Variants in CLNK observed in about 807,000 individuals in gnomAD.
CLNK encodes the protein cytokine dependent hematopoietic cell linker.
CLNK carries 74 observed loss-of-function variants against 68.6 expected under a neutral mutation model. That is an observed-to-expected ratio of 1.08 (90% confidence interval 0.89 to 1.31). The LOEUF (loss-of-function observed/expected upper bound fraction) is 1.31, where lower values mean the gene tolerates loss of function less well. Among genes scored for constraint, CLNK ranks in the 50% most tolerant of loss-of-function variants. The pLI, the probability that CLNK is intolerant of heterozygous loss-of-function variation, is 0.00. For synonymous variants in CLNK, 198 were observed against 172.2 expected (o/e 1.15, Z -1.17); for missense variants, 553 against 515.3 (o/e 1.07, Z -0.71).
intron 14 of CLNK, among the ~76,000 whole-genome samples, chr4:10,521,446 G>C (rs911402556): frequency 6.6e-6 from 1 of 152,154 alleles, no homozygotes; most frequent in African/African-American, 2.4e-5. Flanking sequence ...CTAATTTTCT[G>C]GTTCATTTTG....
chr4:10,711,282 G>C, the CLNK span, among the ~76,000 whole-genome samples: 2 of 152,268 alleles, frequency 1.3e-5, no homozygotes, highest in Admixed American at 1.3e-4. Context: ...GGAGTACAGG[G>C]CCTGGTGTCC....
At chr4:10,636,983 G>A (rs1723116948) in intron 2 of CLNK, among the ~76,000 whole-genome samples, 1 of 152,180 alleles carries the variant, frequency 6.6e-6, no homozygotes, top group African/African-American at 2.4e-5. Flanking sequence ...AGAAACCCCA[G>A]GGGCTGGGCA....
At chr4:10,699,243 T>TATGTGTGTGTGTACACACAC in the CLNK span, among the ~76,000 whole-genome samples, 22 of 54,804 alleles carry the variant, frequency 4.0e-4, no homozygotes, top group African/African-American at 1.5e-3. Flanking sequence ...TACACACACA[T>TATGTGTGTGTGTACACACAC]ACACACCACG....
the CLNK span, among the ~76,000 whole-genome samples, chr4:10,696,108 G>A: frequency 2.2e-4 from 34 of 152,054 alleles, no homozygotes; most frequent in Admixed American, 1.7e-3. Flanking sequence ...CACCCACCTC[G>A]GCCTCCCAAA....
chr4:10,665,959 G>T (rs1274348034), intron 2 of CLNK, among the ~76,000 whole-genome samples: 1 of 152,156 alleles, frequency 6.6e-6, no homozygotes, highest in Non-Finnish European at 1.5e-5. Flanking sequence ...GACTATCCAG[G>T]TGACCCCTAA....
chr4:10,664,369 G>T (rs575833605), intron 2 of CLNK, among the ~76,000 whole-genome samples: 1 of 152,260 alleles, frequency 6.6e-6, no homozygotes, highest in South Asian at 2.1e-4. Flanking sequence ...AATTGACTGG[G>T]TTAATAATTT....
At chr4:10,577,214 C>T (rs73228224) in intron 4 of CLNK, among the ~76,000 whole-genome samples, 33,901 of 152,136 alleles carry the variant, frequency 0.22, 4,041 homozygotes, top group African/African-American at 0.29. Flanking sequence ...AACCAGCTTC[C>T]GGTTTCATTT....
At chr4:10,568,763 G>C (rs1174436710) in intron 5 of CLNK, among the ~76,000 whole-genome samples, 4 of 152,176 alleles carry the variant, frequency 2.6e-5, no homozygotes, top group African/African-American at 4.8e-5. Context: ...GGAGAATGCA[G>C]CCCTGCCAGC....
chr4:10,572,378 C>T (rs1019573117), intron 4 of CLNK, among the ~76,000 whole-genome samples: 2 of 152,204 alleles, frequency 1.3e-5, no homozygotes, highest in African/African-American at 4.8e-5. Flanking sequence ...ACTCAACACT[C>T]TTATTTGGGC....
chr4:10,526,050 G>A, intron 13 of CLNK, 128 bp from the exon 14 acceptor site: 2 of 609,604 alleles, frequency 3.3e-6, no homozygotes, highest in Non-Finnish European at 5.8e-6. Context: ...GGCTCTTGAT[G>A]GTCGGTGGAA....
At chr4:10,655,334 C>CAGACAGAGAGAGAGAGAGAG in intron 2 of CLNK, among the ~76,000 whole-genome samples, 1 of 135,410 alleles carries the variant, frequency 7.4e-6, no homozygotes, top group Middle Eastern at 3.8e-3. Flanking sequence ...CCCCCAAAGA[C>CAGACAGAGAGAGAGAGAGAG]AGAGAGAGAG....
At chr4:10,678,826 A>G (rs111477042) in intron 1 of CLNK, among the ~76,000 whole-genome samples, 17 of 152,324 alleles carry the variant, frequency 1.1e-4, no homozygotes, top group Admixed American at 3.3e-4. Context: ...GGACCTCTTC[A>G]AGGAGAACTA....
chr4:10,496,706 C>G (rs1347645445), intron 18 of CLNK, among the ~76,000 whole-genome samples: 1 of 152,196 alleles, frequency 6.6e-6, no homozygotes, highest in Non-Finnish European at 1.5e-5. Flanking sequence ...TAAGGACTTC[C>G]TAGAACCAAA....
chr4:10,698,361 C>G, the CLNK span, among the ~76,000 whole-genome samples: 1 of 152,150 alleles, frequency 6.6e-6, no homozygotes, highest in Non-Finnish European at 1.5e-5. Context: ...ATCTTTGACC[C>G]TTGTACCTGG....
At chr4:10,669,332 A>G (rs1408292496) in intron 1 of CLNK, among the ~76,000 whole-genome samples, 2 of 152,234 alleles carry the variant, frequency 1.3e-5, no homozygotes, top group Non-Finnish European at 2.9e-5. Flanking sequence ...AAAACAAAAC[A>G]TAACAAATCC....
At chr4:10,723,714 A>G in the CLNK span, among the ~76,000 whole-genome samples, 21 of 152,256 alleles carry the variant, frequency 1.4e-4, no homozygotes, top group Non-Finnish European at 1.3e-4. Context: ...CCTACCCCAC[A>G]CCATATTACT....
At chr4:10,500,708 A>C (rs1480856687) in intron 18 of CLNK, among the ~76,000 whole-genome samples, 2 of 151,030 alleles carry the variant, frequency 1.3e-5, no homozygotes, top group Non-Finnish European at 2.9e-5. Flanking sequence ...TAGGCCTGGC[A>C]TATACATAGT....
chr4:10,546,865 A>G (rs1172583699), intron 8 of CLNK, among the ~76,000 whole-genome samples: 8 of 152,158 alleles, frequency 5.3e-5, no homozygotes, highest in African/African-American at 1.9e-4. Context: ...TAGGGGATGC[A>G]TCTGGTGAGA....
At chr4:10,553,354 C>A (rs1719536073) in intron 8 of CLNK, among the ~76,000 whole-genome samples, 1 of 152,262 alleles carries the variant, frequency 6.6e-6, no homozygotes, top group South Asian at 2.1e-4. Context: ...CCACAATGCT[C>A]TTAAAAACTT....
Sources: gnomAD v4.1 joint callset for allele counts (sites outside exome capture counted in the v4.1 genomes callset) on GRCh38, gnomAD v4.1.1 for gene constraint, MANE v1.5 for transcripts, NCBI Gene and HGNC (gene_info 2026-07-23, HGNC 2026-07-21) for gene names.